The following NRAP variants were observed in gnomAD, a reference collection of about 807,000 sequenced individuals.
The protein encoded by NRAP is nebulin related anchoring protein.
A neutral mutation model predicts 225.9 loss-of-function variants in NRAP; 189 were observed. The ratio of observed to expected loss-of-function variants is 0.84; its 90% confidence interval spans 0.74 to 0.94. NRAP has a LOEUF of 0.94. Among genes scored for constraint, NRAP ranks in the 40% least tolerant of loss-of-function variants. The pLI is 0.00. For synonymous variants in NRAP, 769 were observed against 790.7 expected, an observed-to-expected ratio of 0.97 and a Z score of 0.46; for missense variants, 2,176 against 2,168.7, an observed-to-expected ratio of 1.00 and a Z score of -0.07.
chr10:113,654,103 C>G lies in NRAP; in HGVS notation c.383G>C (p.Gly128Ala). Reference protein sequence around the residue: ...ANERAYWTGYGEGNAWCPGAL... With the variant: ...ANERAYWTGYAEGNAWCPGAL... ...TCCTGGGCACCAAGCATTCCCTTCC[C>G]CATATCCAGTCCAATAGGCTCTCTA... The change falls in exon 5 of 42, where the codon GGG becomes GCG. Residue 128 changes from glycine (G) to alanine (A), a missense_variant. Coordinates refer to ENST00000359988, the MANE Select transcript of NRAP (RefSeq NM_198060.4). 1 of 1,612,708 alleles carries G rather than the reference C, an allele frequency of 6.2e-7. No homozygotes were observed. Among genetic ancestry groups the G allele is most frequent in the Non-Finnish European group, 8.5e-7 (1 of 1,178,780 alleles).
intron 30 of NRAP, among the ~76,000 whole-genome samples, chr10:113,611,313 C>A (rs897695392): frequency 1.3e-5 from 2 of 152,176 alleles, no homozygotes; most frequent in Admixed American, 6.5e-5. Flanking sequence ...TCCAAACAGA[C>A]GACAGACACC....
At chr10:113,657,392 GTAA>G (rs1850373637) in intron 4 of NRAP, 75 bp downstream of exon 4, 118 of 790,436 alleles carry the variant, frequency 1.5e-4, no homozygotes, top group South Asian at 2.0e-4. Context: ...TTCTCTAGAA[GTAA>G]TAATAATAAT....
At chr10:113,606,129 C>T in intron 33 of NRAP, 49 bp downstream of exon 33, 1 of 1,324,460 alleles carries the variant, frequency 7.6e-7, no homozygotes, top group Non-Finnish European at 1.1e-6. Flanking sequence ...CAGATGTAGA[C>T]ATACATGGCT....
At chr10:113,654,832 A>G (rs61865031) in intron 4 of NRAP, among the ~76,000 whole-genome samples, 1 of 152,212 alleles carries the variant, frequency 6.6e-6, no homozygotes, top group Non-Finnish European at 1.5e-5. Context: ...TTACTAACGC[A>G]TCCCAAAAGC....
chr10:113,634,598 G>A (rs981894033), intron 14 of NRAP, among the ~76,000 whole-genome samples: 4 of 152,162 alleles, frequency 2.6e-5, no homozygotes, highest in South Asian at 2.1e-4. Flanking sequence ...CTCTCACAAC[G>A]GTGCTAGCAG....
chr10:113,593,560 C>T (rs568621818), intron 38 of NRAP, among the ~76,000 whole-genome samples: 1 of 152,324 alleles, frequency 6.6e-6, no homozygotes, highest in East Asian at 1.9e-4. Context: ...ACCGTTCGTT[C>T]CTGGGATAAT....
chr10:113,640,199 C>A (rs754601595), intron 14 of NRAP, 28 bp downstream of exon 14: 5 of 1,320,558 alleles, frequency 3.8e-6, no homozygotes, highest in Non-Finnish European at 5.4e-6. Flanking sequence ...AGTGACAAAG[C>A]AGAAAGAGCT....
chr10:113,650,095 C>G lies in NRAP; in HGVS notation c.830G>C (p.Gly277Ala), dbSNP rs1220349519. The change falls in exon 9 of 42, where the codon GGT becomes GCT. Residue 277 changes from glycine (G) to alanine (A), a missense_variant. Physicochemically the swap from Gly to Ala is moderately conservative, Grantham distance 60 (BLOSUM62 0). Transcript: ENST00000359988. Reference protein sequence around the residue: ...QYQKEMRGMAGPAIGAEGILT... With the variant: ...QYQKEMRGMAAPAIGAEGILT... ...GATGCCCTCAGCTCCAATGGCTGGA[C>G]CAGCCATTCCCCTCATTTCTTTTTG... The G allele has an allele frequency of 6.2e-7, 1 of 1,612,842 alleles. No homozygotes were observed. Among genetic ancestry groups the G allele is most frequent in the Non-Finnish European group, 8.5e-7 (1 of 1,178,858 alleles).
At chr10:113,624,742 T>C (rs1455373659) in intron 22 of NRAP, 84 bp downstream of exon 22, 1 of 899,574 alleles carries the variant, frequency 1.1e-6, no homozygotes, top group Non-Finnish European at 1.8e-6. Flanking sequence ...ACAGACACTA[T>C]GCCATGGCTG....
intron 5 of NRAP, 74 bp from the exon 6 acceptor site, chr10:113,653,113 C>T: frequency 1.3e-6 from 1 of 763,792 alleles, no homozygotes; most frequent in Non-Finnish European, 2.2e-6. Context: ...CGCAATAAAA[C>T]CAATGAAACT....
chr10:113,630,338 T>C (rs1848510867), intron 18 of NRAP, among the ~76,000 whole-genome samples: 1 of 152,044 alleles, frequency 6.6e-6, no homozygotes, highest in Non-Finnish European at 1.5e-5. Flanking sequence ...ATGATAGTGA[T>C]AGTGGTGGTG....
chr10:113,611,726 C>T (rs1847334336), intron 30 of NRAP, among the ~76,000 whole-genome samples: 1 of 152,192 alleles, frequency 6.6e-6, no homozygotes, highest in African/African-American at 2.4e-5. Context: ...CTTAGCCCTC[C>T]TCAGAAGGCG....
At position 113,663,255 on chromosome 10, in the gene NRAP, A is replaced by T. The variant is rs201023976; in HGVS notation, c.167+97T>A. 396 of 743,264 alleles carry T rather than the reference A, an allele frequency of 5.3e-4. 2 individuals carry two copies. The East Asian group carries it at 0.01, about 19-fold the overall frequency. 46.0% of individuals were successfully genotyped at this position (743,264 alleles called of 1,614,324 possible). On this transcript the variant is annotated intron_variant, in intron 2 of 41. Coordinates refer to ENST00000359988, the MANE Select transcript of NRAP (RefSeq NM_198060.4). Reference sequence around the variant, plus strand: ...CACTTTGGGAGAAGATATTTCTTGGATTTAACCCTGGGTTATATGATTTGA... The same window carrying T: ...CACTTTGGGAGAAGATATTTCTTGGTTTTAACCCTGGGTTATATGATTTGA...
chr10:113,657,376 T>C, intron 4 of NRAP, 94 bp downstream of exon 4: 5 of 705,898 alleles, frequency 7.1e-6, no homozygotes, highest in Middle Eastern at 2.4e-4. Flanking sequence ...GGAAACCTAC[T>C]TGGTTTTCTC....
intron 23 of NRAP, 135 bp from the exon 24 acceptor site, chr10:113,622,315 C>A (rs990955557): frequency 6.4e-6 from 4 of 622,980 alleles, no homozygotes; most frequent in Non-Finnish European, 5.6e-6. Flanking sequence ...TGAAAGTTTG[C>A]CTTTTTGAGC....
Position 113,589,765 on chromosome 10 carries a change from T to C in NRAP, c.4989A>G (p.Arg1663=), listed in dbSNP as rs1296693424. The change falls in exon 41 of 42, where the codon AGA becomes AGG. Residue 1663 remains arginine, a synonymous_variant. Coordinates refer to ENST00000359988, the MANE Select transcript of NRAP (RefSeq NM_198060.4). ...VKYKSDLNLT[R]GVGWTPPGSY... ...AGCCAGGAGGGGTCCAGCCAACACC[T>C]CTGGTCAGGTTCAAGTCTGATTTAT... 1.9e-6 allele frequency: 3 copies of C among 1,614,034 alleles called. No homozygotes were observed. In the Admixed American group the frequency reaches 5.0e-5, roughly 27 times the overall value.
rs372099349 is a variant in NRAP, at chr10:113,633,132, A to T, written c.1584T>A (p.Asp528Glu). 1.2e-6 allele frequency: 2 copies of T among 1,610,474 alleles called. No individual in the cohort carries two copies. The highest frequency in any genetic ancestry group is 1.7e-6 in the Non-Finnish European group (2 of 1,176,818). Residue 528 changes from aspartate to glutamate, a missense_variant, in exon 16 of 42, where the codon GAT becomes GAA. This residue lies in a region of NRAP where 1,708 missense variants were observed against 1,695.5 expected (regional missense o/e 1.01). Coordinates refer to ENST00000359988, the MANE Select transcript of NRAP (RefSeq NM_198060.4). ...TTTTGGCCTTCACCAGCTGAGGAAC[A>T]TCCTGGGGCAATGTGTAATTCAACT... ...KNKLNYTLPQ[D>E]VPQLVKAKTN...
At chr10:113,601,531 A>G (rs894435342) in intron 35 of NRAP, among the ~76,000 whole-genome samples, 4 of 152,376 alleles carry the variant, frequency 2.6e-5, no homozygotes, top group African/African-American at 7.2e-5. Context: ...TGCGTACAGC[A>G]TAATATGGTC....
In NRAP at chr10:113,605,864, T is replaced by C; in HGVS notation, c.3813A>G (p.Arg1271=). Reference sequence around the variant, plus strand: ...GAAGATTACGCCAGGACTCTTTGTATCTTGCCTAAAGTGGGAACACATGTA... The same window carrying C: ...GAAGATTACGCCAGGACTCTTTGTACCTTGCCTAAAGTGGGAACACATGTA... ...KTNAANLSDA[R]YKESWRNLRA... Residue 1271 remains arginine, a synonymous_variant, in exon 34 of 42, where the codon AGA becomes AGG. Coordinates refer to ENST00000359988, the MANE Select transcript of NRAP (RefSeq NM_198060.4). 6.2e-7 allele frequency: 1 copy of C among 1,612,276 alleles called. No homozygotes were observed. The highest frequency in any genetic ancestry group is 8.5e-7 in the Non-Finnish European group (1 of 1,178,494).
Sources: gnomAD v4.1 joint callset for allele counts (sites outside exome capture counted in the v4.1 genomes callset) on GRCh38, gnomAD v4.1.1 for gene constraint, gnomAD v4.1.1 regional missense constraint, MANE v1.5 for transcripts, NCBI Gene and HGNC (gene_info 2026-07-23, HGNC 2026-07-21) for gene names.